The following DENND2B variants were observed in gnomAD, a reference collection of about 807,000 sequenced individuals.
DENND2B encodes the protein DENN domain-containing protein 2B.
In DENND2B, 32 loss-of-function variants were observed where a neutral mutation model predicts 116.0. The ratio of observed to expected loss-of-function variants is 0.28; its 90% CI spans 0.21 to 0.37. DENND2B has a LOEUF of 0.37. DENND2B is among the 10% of genes least tolerant of loss of function. The probability of loss-of-function intolerance (pLI) is 1.00; values close to 1 mark genes in which losing one functional copy is unlikely to be tolerated. For synonymous variants in DENND2B, 588 were observed against 583.9 expected, an observed-to-expected ratio of 1.01 and a Z score of -0.10; for missense variants, 1,276 against 1,477.7, an observed-to-expected ratio of 0.86 and a Z score of 2.24.
intron 3 of DENND2B, among the ~76,000 whole-genome samples, chr11:8,854,016 A>ATTTTTTTTTTTTTTTTTTTTTTT (rs71059187): frequency 9.6e-5 from 6 of 62,776 alleles, no homozygotes; most frequent in African/African-American, 3.7e-4. Flanking sequence ...GCCCCAGTTA[A>ATTTTTTTTTTTTTTTTTTTTTTT]TTTTTTTTTT....
At chr11:8,831,836 G>A (rs887209633) in intron 4 of DENND2B, 1 of 152,118 alleles carries the variant, frequency 6.6e-6, no homozygotes, top group African/African-American at 2.4e-5. Context: ...CTGCTTGCAG[G>A]AGCTGATGAT....
chr11:8,826,101 A>G (rs1259119248), intron 4 of DENND2B, among the ~76,000 whole-genome samples: 1 of 152,222 alleles, frequency 6.6e-6, no homozygotes, highest in Non-Finnish European at 1.5e-5. Context: ...CAGAACAAGA[A>G]GATAGAAAAC....
chr11:8,786,110 C>A (rs568358767), intron 1 of DENND2B, among the ~76,000 whole-genome samples: 3 of 152,192 alleles, frequency 2.0e-5, no homozygotes. Context: ...CATGCCCCTG[C>A]ATATTTTAGG....
Position 8,712,535 on chromosome 11 carries a change from A to T in DENND2B, c.2172+16T>A. ...GAGGGGGAATATGGGCAAGGTGGGG[A>T]GAGAGAAGGCCTCACCTTGGGAAAC... On this transcript the variant is annotated intron_variant, in intron 9 of 19. Coordinates refer to ENST00000313726, the MANE Select transcript of DENND2B (RefSeq NM_213618.2). The surrounding 1 kb of genome is among the most constrained non-coding windows in gnomAD (Gnocchi z 4.4). The T allele has an allele frequency of 6.5e-7, 1 of 1,547,416 alleles. No individual in the cohort carries two copies. The highest frequency in any genetic ancestry group is 2.4e-5 in the East Asian group (1 of 40,826).
chr11:8,742,065 A>G (rs1273154435), intron 2 of DENND2B, among the ~76,000 whole-genome samples: 2 of 152,036 alleles, frequency 1.3e-5, no homozygotes, highest in African/African-American at 4.8e-5. Flanking sequence ...TAATTTTATT[A>G]TTATTACTAG....
At chr11:8,770,192 T>C (rs1018371771) in intron 1 of DENND2B, among the ~76,000 whole-genome samples, 1 of 152,196 alleles carries the variant, frequency 6.6e-6, no homozygotes, top group South Asian at 2.1e-4. Context: ...CAAAGTACTT[T>C]AGAGTACTTT....
At chr11:8,895,960 G>GA (rs1429976718) in intron 1 of DENND2B, among the ~76,000 whole-genome samples, 2 of 150,886 alleles carry the variant, frequency 1.3e-5, no homozygotes, top group African/African-American at 4.9e-5. Context: ...TTAGAAATTG[G>GA]AAAAAAAATG....
intron 7 of DENND2B, 66 bp downstream of exon 7, chr11:8,714,544 T>C: frequency 7.4e-7 from 1 of 1,353,816 alleles, no homozygotes; most frequent in Non-Finnish European, 1.1e-6. Flanking sequence ...GGTAAATTGA[T>C]GCCTCTCCCG....
At chr11:8,788,420 A>G (rs911606399) in intron 1 of DENND2B, among the ~76,000 whole-genome samples, 1 of 152,196 alleles carries the variant, frequency 6.6e-6, no homozygotes, top group East Asian at 1.9e-4. Flanking sequence ...TGTCCAACAG[A>G]GCACAATACA....
At chr11:8,755,746 C>T (rs547364520) in intron 1 of DENND2B, among the ~76,000 whole-genome samples, 1 of 152,258 alleles carries the variant, frequency 6.6e-6, no homozygotes, top group South Asian at 2.1e-4. Flanking sequence ...CCTCAGCCTC[C>T]CAAAGTGCTG....
chr11:8,886,655 T>C (rs186774126), intron 1 of DENND2B, among the ~76,000 whole-genome samples: 1 of 151,638 alleles, frequency 6.6e-6, no homozygotes, highest in Admixed American at 6.6e-5. Context: ...TTTTAGATGA[T>C]AGTACCTGTA....
intron 4 of DENND2B, among the ~76,000 whole-genome samples, chr11:8,836,720 C>G (rs1019761904): frequency 6.6e-6 from 1 of 151,134 alleles, no homozygotes; most frequent in Non-Finnish European, 1.5e-5. Flanking sequence ...CGCCCGGCTA[C>G]TTTGTTGTTT....
intron 13 of DENND2B, among the ~76,000 whole-genome samples, chr11:8,703,880 C>T (rs2042134899): frequency 6.6e-6 from 1 of 152,152 alleles, no homozygotes; most frequent in Non-Finnish European, 1.5e-5. Context: ...TGGGTACACC[C>T]CAAATGGTCA....
intron 1 of DENND2B, among the ~76,000 whole-genome samples, chr11:8,755,956 A>G (rs2053540579): frequency 1.3e-5 from 2 of 152,202 alleles, no homozygotes; most frequent in Non-Finnish European, 1.5e-5. Context: ...TCATATTGCT[A>G]TATGTACAAC....
intron 3 of DENND2B, among the ~76,000 whole-genome samples, chr11:8,853,582 T>G (rs7117900): frequency 0.21 from 31,982 of 152,114 alleles, 3,828 homozygotes; most frequent in Middle Eastern, 0.37. Flanking sequence ...CTGAATGGAC[T>G]AAGACTATGG....
chr11:8,807,318 C>G (rs760861096), intron 1 of DENND2B, among the ~76,000 whole-genome samples: 6 of 152,230 alleles, frequency 3.9e-5, no homozygotes, highest in Non-Finnish European at 7.3e-5. Context: ...GGCCTCAGAG[C>G]CTCCCATCTC....
chr11:8,846,210 C>G (rs1391879304), intron 3 of DENND2B, among the ~76,000 whole-genome samples: 1 of 152,106 alleles, frequency 6.6e-6, no homozygotes, highest in Non-Finnish European at 1.5e-5. Context: ...AAGCCTATGT[C>G]TGGGGAAAGG....
rs775295833 is a variant in DENND2B, at chr11:8,714,020, G to A, written c.1965C>T (p.Ser655=). The A allele has an allele frequency of 1.5e-5, 25 of 1,614,062 alleles. No individual in the cohort carries two copies. Among genetic ancestry groups the A allele is most frequent in the Admixed American group, 1.7e-5 (1 of 60,026 alleles). The change falls in exon 8 of 20, where the codon AGC becomes AGT. Residue 655 remains serine, a synonymous_variant. Coordinates refer to ENST00000313726, the MANE Select transcript of DENND2B (RefSeq NM_213618.2). ...SLRDENSESE[S]DSDDRFKAHT... ...CACCTTTGAACCTGTCATCAGAGTCGCTCTCGCTCTCACTGTTTTCATCTG... is the reference window on the plus strand; with the variant it reads ...CACCTTTGAACCTGTCATCAGAGTCACTCTCGCTCTCACTGTTTTCATCTG...
Position 8,898,906 on chromosome 11 carries a change from A to G in DENND2B, c.-256+11915T>C, listed in dbSNP as rs147279599. On this transcript the variant is annotated intron_variant, in intron 1 of 22. Coordinates refer to the DENND2B transcript ENST00000534127. The stretch of plus-strand genomic sequence containing the variant: ...CTGTAGGGGCCCAAATGTTAGACTT[A>G]GCAGACAGACTTCAAGGCAGCTGTT... Among the ~76,000 whole-genome samples the G allele has an allele frequency of 2.6e-5, 4 of 152,354 alleles. No individual in the cohort carries two copies. The East Asian group carries it at 5.8e-4, about 22-fold the overall frequency.
Sources: allele counts gnomAD v4.1 joint callset (sites outside exome capture counted in the v4.1 genomes callset), GRCh38; gene constraint gnomAD v4.1.1; non-coding constraint Gnocchi (gnomAD v3.1); transcripts MANE v1.5; gene names NCBI Gene and HGNC (gene_info 2026-07-23, HGNC 2026-07-21).